The following FRMD4A variants were observed in gnomAD, a reference collection of about 807,000 sequenced individuals.
FRMD4A encodes the protein FERM domain-containing protein 4A.
Under a neutral mutation model 129.1 loss-of-function variants are expected in FRMD4A, and 29 were observed. The observed-to-expected ratio is 0.22, with a 90% CI of 0.17 to 0.31. The LOEUF (loss-of-function observed/expected upper bound fraction) is 0.31. FRMD4A is among the 10% of genes least tolerant of loss of function. FRMD4A has a pLI of 1.00. For synonymous variants in FRMD4A, 634 were observed against 571.6 expected (o/e 1.11, Z -1.56); for missense variants, 1,272 against 1,375.8 (o/e 0.92, Z 1.19).
chr10:13,760,176 G>A (rs1051006832), intron 8 of FRMD4A, among the ~76,000 whole-genome samples: 1 of 151,296 alleles, frequency 6.6e-6, no homozygotes, highest in Non-Finnish European at 1.5e-5. Context: ...TTTGCACTTA[G>A]GAAGAGTTGT....
At chr10:14,219,862 C>T (rs977422029) in intron 2 of FRMD4A, among the ~76,000 whole-genome samples, 4 of 152,240 alleles carry the variant, frequency 2.6e-5, no homozygotes, top group East Asian at 1.9e-4. Flanking sequence ...TAATCACAAG[C>T]GATGCTAGTC....
intron 12 of FRMD4A, among the ~76,000 whole-genome samples, chr10:13,722,032 C>T (rs1386623713): frequency 6.6e-6 from 1 of 152,106 alleles, no homozygotes; most frequent in Admixed American, 6.5e-5. Flanking sequence ...AGAAGAGACA[C>T]CCATGACAAG....
Position 13,775,241 on chromosome 10 carries a change from C to T in FRMD4A, c.384+7681G>A, listed in dbSNP as rs572519970. On this transcript the variant is annotated intron_variant, in intron 6 of 24. Transcript: ENST00000357447. ...ACGTCTCCAGACTAAAAGTGCCCAT[C>T]GAACACAGAGTACAATGGATTTACA... is the stretch of plus-strand genomic sequence containing the variant. 3.3e-5 allele frequency among the ~76,000 whole-genome samples: 5 copies of T among 152,286 alleles called. No homozygotes were observed. In the South Asian group the frequency reaches 6.2e-4, roughly 19 times the overall value.
intron 2 of FRMD4A, chr10:13,870,862 T>C (rs570169414): frequency 6.6e-6 from 1 of 152,374 alleles, no homozygotes; most frequent in East Asian, 1.9e-4. Flanking sequence ...TTGAGTTCTA[T>C]AACAATAGAA....
At chr10:13,952,519 C>T (rs1434600519) in intron 2 of FRMD4A, among the ~76,000 whole-genome samples, 3 of 151,654 alleles carry the variant, frequency 2.0e-5, no homozygotes, top group African/African-American at 7.3e-5. Flanking sequence ...AAAACAACAA[C>T]AAAAAAAGAA....
intron 2 of FRMD4A, among the ~76,000 whole-genome samples, chr10:13,942,443 C>A (rs1588452300): frequency 6.6e-6 from 1 of 152,260 alleles, no homozygotes; most frequent in East Asian, 1.9e-4. Context: ...GCTACGGGCC[C>A]TCAAGGCTAC....
At chr10:13,815,536 T>A (rs986095459) in intron 3 of FRMD4A, among the ~76,000 whole-genome samples, 1 of 152,148 alleles carries the variant, frequency 6.6e-6, no homozygotes, top group African/African-American at 2.4e-5. Context: ...CGAAAATGGT[T>A]AAAATGGTGT....
intron 2 of FRMD4A, among the ~76,000 whole-genome samples, chr10:13,966,279 T>C (rs1342433379): frequency 6.6e-6 from 1 of 152,210 alleles, no homozygotes; most frequent in Non-Finnish European, 1.5e-5. Context: ...TGTCTTGGCC[T>C]CCCAAAGTGT....
intron 2 of FRMD4A, among the ~76,000 whole-genome samples, chr10:14,057,600 C>T (rs1186645187): frequency 6.6e-6 from 1 of 150,664 alleles, no homozygotes; most frequent in Non-Finnish European, 1.5e-5. Flanking sequence ...GATGGAGATT[C>T]ACACTTGTTG....
chr10:14,272,072 A>AGGCC (rs1392230283), intron 2 of FRMD4A, among the ~76,000 whole-genome samples: 3 of 152,236 alleles, frequency 2.0e-5, no homozygotes, highest in African/African-American at 7.2e-5. Context: ...AGGTTAGGAT[A>AGGCC]GGCCATACAG....
intron 2 of FRMD4A, among the ~76,000 whole-genome samples, chr10:14,033,973 A>C (rs1833380796): frequency 6.6e-6 from 1 of 152,226 alleles, no homozygotes; most frequent in Admixed American, 6.5e-5. Context: ...AGCTTGAGGC[A>C]TTCATCCTAA....
At chr10:14,080,423 C>T (rs1480798260) in intron 2 of FRMD4A, among the ~76,000 whole-genome samples, 1 of 152,050 alleles carries the variant, frequency 6.6e-6, no homozygotes, top group Non-Finnish European at 1.5e-5. Context: ...AGGGAGCCCC[C>T]ACCTGCCATA....
At chr10:14,174,309 C>G (rs896800479) in intron 2 of FRMD4A, among the ~76,000 whole-genome samples, 3 of 152,180 alleles carry the variant, frequency 2.0e-5, no homozygotes, top group Non-Finnish European at 4.4e-5. Flanking sequence ...TCTCTCTCCT[C>G]CCTCTCTCTT....
intron 2 of FRMD4A, among the ~76,000 whole-genome samples, chr10:14,089,630 C>CAAAAAAAAAAACA (rs59553317): frequency 7.6e-6 from 1 of 130,808 alleles, no homozygotes; most frequent in African/African-American, 3.0e-5. Context: ...AAAAAAAAAA[C>CAAAAAAAAAAACA]AAAAAAAAAC....
intron 2 of FRMD4A, among the ~76,000 whole-genome samples, chr10:14,264,989 G>A (rs1161603570): frequency 6.6e-6 from 1 of 152,048 alleles, no homozygotes. Context: ...TCACCATATT[G>A]GCCAGGCTGG....
At chr10:14,032,287 T>G (rs951695918) in intron 2 of FRMD4A, among the ~76,000 whole-genome samples, 2 of 152,210 alleles carry the variant, frequency 1.3e-5, no homozygotes, top group Non-Finnish European at 2.9e-5. Flanking sequence ...TTGCAGATAA[T>G]GCAACTACAA....
chr10:13,960,896 G>A (rs756627430), intron 2 of FRMD4A, among the ~76,000 whole-genome samples: 1 of 152,174 alleles, frequency 6.6e-6, no homozygotes, highest in Non-Finnish European at 1.5e-5. Context: ...GGAGGGCAGG[G>A]CAGAGTCACA....
At chr10:13,891,037 A>G (rs1219526846) in intron 2 of FRMD4A, among the ~76,000 whole-genome samples, 1 of 152,092 alleles carries the variant, frequency 6.6e-6, no homozygotes, top group Non-Finnish European at 1.5e-5. Flanking sequence ...CCAACATTTG[A>G]GCAGCTGCCT....
intron 2 of FRMD4A, among the ~76,000 whole-genome samples, chr10:13,933,741 T>C (rs568565723): frequency 6.6e-6 from 1 of 152,296 alleles, no homozygotes; most frequent in South Asian, 2.1e-4. Context: ...CCAATGTCTG[T>C]TGCCTCTCTC....
Sources: gnomAD v4.1 joint callset for allele counts (sites outside exome capture counted in the v4.1 genomes callset) on GRCh38, gnomAD v4.1.1 for gene constraint, MANE v1.5 for transcripts, NCBI Gene and HGNC (gene_info 2026-07-23, HGNC 2026-07-21) for gene names.